SCNN1D: variants seen among roughly 807,000 people sequenced by gnomAD.
The protein encoded by SCNN1D is epithelial sodium channel subunit delta.
A neutral mutation model predicts 87.8 loss-of-function variants in SCNN1D; 104 were observed. That is an observed-to-expected ratio of 1.18 (90% CI 1.01 to 1.39). The LOEUF (loss-of-function observed/expected upper bound fraction) is 1.39, where lower values mean the gene tolerates loss of function less well. SCNN1D is among the 40% of genes most tolerant of loss of function. The pLI, the probability that SCNN1D is intolerant of heterozygous loss-of-function variation, is 0.00. For synonymous variants in SCNN1D, 628 were observed against 481.2 expected (o/e 1.31, Z -3.99); for missense variants, 1,324 against 1,093.9 (o/e 1.21, Z -2.97).
chr1:1,290,821 C>G lies in SCNN1D; in HGVS notation c.1918-74C>G, dbSNP rs113745558. 1,259 of 1,584,866 alleles carry G rather than the reference C, an allele frequency of 7.9e-4. 6 individuals carry two copies. The highest frequency in any genetic ancestry group is 6.5e-3 in the African/African-American group (482 of 74,398). ...GCCTATGCCCCGTGGTCTCTGCCCCCACATCCGCCCGTGGTACCCAGGATG... is the reference window on the plus strand; with the variant it reads ...GCCTATGCCCCGTGGTCTCTGCCCCGACATCCGCCCGTGGTACCCAGGATG... On this transcript the variant is annotated intron_variant, in intron 15 of 17. Transcript: ENST00000379116.
chr1:1,287,050 G>T lies in SCNN1D; in HGVS notation c.1120-59G>T, dbSNP rs890412872. The stretch of plus-strand genomic sequence containing the variant: ...CACGGCCCTGCGCTGCTGGTACCTC[G>T]AGTGGGGAGCGGGGCCTGGGCTGTA... On this transcript the variant is annotated intron_variant, in intron 8 of 17. Coordinates refer to ENST00000379116, the MANE Select transcript of SCNN1D (RefSeq NM_001130413.4). 7 of 1,577,534 alleles carry T rather than the reference G, an allele frequency of 4.4e-6. No homozygotes were observed. The South Asian group carries it at 6.9e-5, about 16-fold the overall frequency.
chr1:1,285,701 C>T, intron 6 of SCNN1D, 37 bp downstream of exon 6: 1 of 1,448,556 alleles, frequency 6.9e-7, no homozygotes, highest in Non-Finnish European at 9.3e-7. Context: ...AGTCCTGCTG[C>T]CCCAGCAGCC....
intron 3 of SCNN1D, chr1:1,281,931 A>G (rs1640478160): frequency 1.8e-6 from 1 of 564,462 alleles, no homozygotes; most frequent in South Asian, 2.2e-5. Context: ...TTCCAGCCAC[A>G]ATCTCTGGCA....
chr1:1,287,206 C>G lies in SCNN1D; in HGVS notation c.1217C>G (p.Ala406Gly). Residue 406 changes from alanine to glycine, a missense_variant, in exon 9 of 18, where the codon GCC (alanine) becomes GGC (glycine). Coordinates refer to ENST00000379116, the MANE Select transcript of SCNN1D (RefSeq NM_001130413.4). ...WYHFHYVDIL[A>G]LLPAAWEDSH... ...CACTTCCACTATGTGGATATCCTGG[C>G]CCTGCTGCCCGCGGCATGGGAGGAC... 1 of 1,612,176 alleles carries G rather than the reference C, an allele frequency of 6.2e-7. No homozygotes were observed. Among genetic ancestry groups the G allele is most frequent in the Non-Finnish European group, 8.5e-7 (1 of 1,179,664 alleles).
chr1:1,291,760 C>T lies in SCNN1D; in HGVS notation c.*150C>T, dbSNP rs1445678159. The T allele has an allele frequency of 5.3e-6, 3 of 568,610 alleles. No homozygotes were observed. The highest frequency in any genetic ancestry group is 3.1e-5 in the East Asian group (1 of 32,348). The allele number at this position is 568,610 out of a possible 1,614,324, so 35.2% of individuals were successfully genotyped here. Reference sequence around the variant, plus strand: ...GAGGCAGGCACCGGGCATGTCGGCGCCTCTGGTCAAACCACCTACACTGCC... The same window carrying T: ...GAGGCAGGCACCGGGCATGTCGGCGTCTCTGGTCAAACCACCTACACTGCC... On this transcript the variant is annotated 3_prime_UTR_variant, in exon 18 of 18. Transcript: ENST00000379116.
chr1:1,281,127 C>A (rs1000467909), intron 1 of SCNN1D, 99 bp from the exon 2 acceptor site: 7 of 1,150,190 alleles, frequency 6.1e-6, no homozygotes, highest in African/African-American at 4.6e-5. Context: ...CTCAGAGTGA[C>A]CCTGAGTGGG....
rs373013531 is a variant in SCNN1D at position 1,291,383 on chromosome 1, C to T, written c.2182C>T (p.Arg728Trp). Residue 728 changes from arginine to tryptophan, a missense_variant, in exon 18 of 18, where the codon CGG (arginine) becomes TGG (tryptophan). Physicochemically the swap from Arg to Trp is moderately radical, Grantham distance 101. Transcript: ENST00000379116. The part of the protein sequence containing the change: ...SALTLVLGGR[R>W]LRRAWFSWPR... ...CCTCACCCTGGTGCTAGGCGGCCGCCGGCTCCGCAGGGCGTGGTTCTCCTG... is the reference window on the plus strand; with the variant it reads ...CCTCACCCTGGTGCTAGGCGGCCGCTGGCTCCGCAGGGCGTGGTTCTCCTG... 43 of 1,608,446 alleles carry T rather than the reference C, an allele frequency of 2.7e-5. No individual in the cohort carries two copies. In the Admixed American group the frequency reaches 2.9e-4, roughly 11 times the overall value.
intron 7 of SCNN1D, among the ~76,000 whole-genome samples, chr1:1,286,487 C>T (rs957804714): frequency 4.1e-4 from 62 of 152,290 alleles, no homozygotes; most frequent in African/African-American, 1.3e-3. Context: ...GTGGTCACTG[C>T]CCCCTGGAGG....
At chr1:1,290,072 T>TCC (rs200459026) in intron 12 of SCNN1D, among the ~76,000 whole-genome samples, 199 bp from the exon 13 acceptor site, 4 of 74,878 alleles carry the variant, frequency 5.3e-5, no homozygotes, top group Non-Finnish European at 7.1e-5. Flanking sequence ...CTCTGCTCCG[T>TCC]CCCGTGTCTC....
Position 1,287,971 on chromosome 1 carries a change from C to A in SCNN1D, c.1596C>A (p.Gly532=). 1 of 1,546,940 alleles carries A rather than the reference C, an allele frequency of 6.5e-7. No homozygotes were observed. The highest frequency in any genetic ancestry group is 2.0e-5 in the Admixed American group (1 of 50,772). Residue 532 remains glycine, a synonymous_variant, in exon 12 of 18, where the codon GGC becomes GGA. Coordinates refer to ENST00000379116, the MANE Select transcript of SCNN1D (RefSeq NM_001130413.4). ...DEVHRLGSPY[G]HCTAGGEGVE... is the part of the protein sequence containing the mutation. ...TGCACCGGCTCGGGAGCCCCTACGGCCACTGCACCGCCGGCGGGGAAGGCG... is the reference window on the plus strand; with the variant it reads ...TGCACCGGCTCGGGAGCCCCTACGGACACTGCACCGCCGGCGGGGAAGGCG...
Position 1,287,564 on chromosome 1 carries a change from T to A in SCNN1D, c.1367T>A (p.Val456Asp), listed in dbSNP as rs749200594. 6 of 1,577,824 alleles carry A rather than the reference T, an allele frequency of 3.8e-6. No individual in the cohort carries two copies. The Admixed American group carries it at 8.8e-5, about 23-fold the overall frequency. Residue 456 changes from valine to aspartate, a missense_variant, in exon 10 of 18, where the codon GTC (valine) becomes GAC (aspartate). By Grantham distance (152) the Val-to-Asp change is radical. Coordinates refer to ENST00000379116, the MANE Select transcript of SCNN1D (RefSeq NM_001130413.4). The part of the protein sequence containing the change: ...TYGSCYTVDG[V>D]WTAQRPGITH... The stretch of plus-strand genomic sequence containing the variant: ...GGCAGCTGCTACACGGTCGATGGCG[T>A]CTGGACAGCTCAGCGCCCCGGCATC...
chr1:1,288,109 C>T (rs529754067), intron 12 of SCNN1D, 72 bp downstream of exon 12: 117 of 321,188 alleles, frequency 3.6e-4, no homozygotes, highest in East Asian at 1.3e-3. Context: ...GCGGGTGGAA[C>T]GGGGGAGGGG....
intron 5 of SCNN1D, among the ~76,000 whole-genome samples, chr1:1,284,528 C>A (rs550696868): frequency 3.5e-5 from 5 of 143,760 alleles, no homozygotes; most frequent in African/African-American, 7.8e-5. Flanking sequence ...CTGGGGGTGC[C>A]GAGCGTGTGC....
At position 1,287,171 on chromosome 1, in the gene SCNN1D, G is replaced by A. The variant is rs144871157; in HGVS notation, c.1182G>A (p.Gln394=). ...RGYTSGVAAV[Q]DWYHFHYVDI... is the part of the protein sequence containing the mutation. ...ACACGTCAGGCGTGGCGGCTGTCCA[G>A]GACTGGTACCACTTCCACTATGTGG... Residue 394 remains glutamine (Q), a synonymous_variant, in exon 9 of 18, where the codon CAG becomes CAA. Transcript: ENST00000379116. 24 of 1,611,956 alleles carry A rather than the reference G, an allele frequency of 1.5e-5. No homozygotes were observed. The highest frequency in any genetic ancestry group is 1.6e-5 in the Non-Finnish European group (19 of 1,179,480).
Position 1,290,383 on chromosome 1 carries a change from C to G in SCNN1D, c.1775C>G (p.Ala592Gly). 2 of 1,603,330 alleles carry G rather than the reference C, an allele frequency of 1.2e-6. No individual in the cohort carries two copies. Among genetic ancestry groups the G allele is most frequent in the Non-Finnish European group, 1.7e-6 (2 of 1,173,962 alleles). The change falls in exon 13 of 18, where the codon GCC becomes GGC. Residue 592 changes from alanine (A) to glycine (G), a missense_variant. Ala to Gly is a moderately conservative substitution (Grantham distance 60, BLOSUM62 0). Transcript: ENST00000379116. ...TACTGCAGCTCTGCCCGGCACCCTG[C>G]CTGGGGTGAGTCCTGCTCGCTGCCT... ...AEYCSSARHPAWGHCFYRLYQ... is the reference protein window; with the variant it reads ...AEYCSSARHPGWGHCFYRLYQ...
chr1:1,288,356 TCTGCTCCGTCCCGTGTCC>T (rs1427396931), intron 12 of SCNN1D, among the ~76,000 whole-genome samples: 4 of 49,342 alleles, frequency 8.1e-5, no homozygotes, highest in Admixed American at 2.3e-4. Context: ...CCCCCGTGTC[TCTGCTCCGTCCCGTGTCC>T]CTGCTCCGTC....
In SCNN1D at chr1:1,281,513, A is replaced by G; in HGVS notation, c.180A>G (p.Arg60=). The change falls in exon 3 of 18, where the codon AGA becomes AGG. Residue 60 remains arginine, a synonymous_variant. Coordinates refer to ENST00000379116, the MANE Select transcript of SCNN1D (RefSeq NM_001130413.4). ...PCTGPARGWP[R]RGGGPCGFTS... The stretch of plus-strand genomic sequence containing the variant: ...CCGGGCCAGCGAGGGGATGGCCCAG[A>G]AGAGGGGGAGGACCATGTGGATTCA... The G allele has an allele frequency of 2.6e-6, 4 of 1,535,022 alleles. No individual in the cohort carries two copies. Among genetic ancestry groups the G allele is most frequent in the Non-Finnish European group, 3.5e-6 (4 of 1,146,376 alleles).
At chr1:1,285,151 C>T (rs1640561811) in intron 5 of SCNN1D, among the ~76,000 whole-genome samples, 1 of 152,210 alleles carries the variant, frequency 6.6e-6, no homozygotes, top group South Asian at 2.1e-4. Flanking sequence ...GGAGCCGTCC[C>T]CACCTGGTGT....
rs562971371 is a variant in SCNN1D, at chr1:1,291,409, G to C, written c.2208G>C (p.Trp736Cys). 6 of 1,607,634 alleles carry C rather than the reference G, an allele frequency of 3.7e-6. No homozygotes were observed. The highest frequency in any genetic ancestry group is 5.1e-6 in the Non-Finnish European group (6 of 1,177,990). ...GRRLRRAWFSWPRASPASGAS... is the reference protein window; with the variant it reads ...GRRLRRAWFSCPRASPASGAS... ...GGCTCCGCAGGGCGTGGTTCTCCTG[G>C]CCCAGAGCCAGCCCTGCCTCAGGGG... The change falls in exon 18 of 18, where the codon TGG (tryptophan) becomes TGC (cysteine). Residue 736 changes from tryptophan to cysteine, a missense_variant. Transcript: ENST00000379116.
Sources: allele counts gnomAD v4.1 joint callset (sites outside exome capture counted in the v4.1 genomes callset), GRCh38; gene constraint gnomAD v4.1.1; transcripts MANE v1.5; gene names NCBI Gene and HGNC (gene_info 2026-07-23, HGNC 2026-07-21).